The following VWA8 variants were observed in gnomAD, a reference collection of about 807,000 sequenced individuals.
VWA8 encodes the protein von Willebrand factor A domain containing 8, also known as von Willebrand factor A domain-containing protein 8.
In VWA8, 221 loss-of-function variants were observed where a neutral mutation model predicts 241.5. That is an observed-to-expected ratio of 0.91 (90% confidence interval 0.82 to 1.02). The LOEUF (loss-of-function observed/expected upper bound fraction) is 1.02, where lower values mean the gene tolerates loss of function less well. Ranked by LOEUF, VWA8 falls within the 50% of genes least tolerant of loss-of-function variation. The pLI is 0.00. For synonymous variants in VWA8, 852 were observed against 827.1 expected (o/e 1.03, Z -0.52); for missense variants, 2,322 against 2,328.7 (o/e 1.00, Z 0.06).
At chr13:41,748,020 T>C (rs1470799324) in intron 21 of VWA8, among the ~76,000 whole-genome samples, 1 of 152,224 alleles carries the variant, frequency 6.6e-6, no homozygotes, top group Non-Finnish European at 1.5e-5. Flanking sequence ...TTGAGGATTT[T>C]TGCATCAATG....
chr13:41,893,132 A>C (rs150647279), intron 4 of VWA8, among the ~76,000 whole-genome samples: 4 of 152,328 alleles, frequency 2.6e-5, no homozygotes, highest in East Asian at 1.9e-4. Context: ...GGGAAAACAT[A>C]TCTCTATTTT....
intron 17 of VWA8, among the ~76,000 whole-genome samples, chr13:41,791,257 C>G (rs1047892762): frequency 1.3e-5 from 2 of 151,680 alleles, no homozygotes; most frequent in Non-Finnish European, 3.0e-5. Context: ...GATGCATAAA[C>G]AAAATAGCTG....
intron 1 of VWA8, among the ~76,000 whole-genome samples, chr13:41,950,390 A>C (rs1878073138): frequency 6.7e-6 from 1 of 150,242 alleles, no homozygotes; most frequent in Non-Finnish European, 1.5e-5. Context: ...TGTTTTTGAG[A>C]TGGAGTCTCA....
At chr13:41,735,373 T>G (rs1458321416) in intron 21 of VWA8, among the ~76,000 whole-genome samples, 1 of 152,220 alleles carries the variant, frequency 6.6e-6, no homozygotes, top group Non-Finnish European at 1.5e-5. Context: ...TCTGTAACAC[T>G]CGAATTCTGA....
At chr13:41,912,247 TTATA>T in intron 2 of VWA8, 79 bp from the exon 3 acceptor site, 8 of 983,148 alleles carry the variant, frequency 8.1e-6, no homozygotes, top group Middle Eastern at 2.8e-4. Flanking sequence ...GTGGACATAT[TTATA>T]TATATATATA....
chr13:41,639,503 C>T (rs943269508), intron 37 of VWA8, among the ~76,000 whole-genome samples: 6 of 152,228 alleles, frequency 3.9e-5, no homozygotes, highest in African/African-American at 1.4e-4. Context: ...CTTTCTCCAC[C>T]TGCTAACCTG....
intron 29 of VWA8, among the ~76,000 whole-genome samples, chr13:41,695,474 A>G (rs1448819852): frequency 6.6e-6 from 1 of 152,210 alleles, no homozygotes; most frequent in African/African-American, 2.4e-5. Context: ...AATGAAGAAG[A>G]AGGAATTGAT....
chr13:41,798,500 G>A (rs1869805191), intron 17 of VWA8, among the ~76,000 whole-genome samples: 1 of 152,130 alleles, frequency 6.6e-6, no homozygotes, highest in East Asian at 1.9e-4. Flanking sequence ...ATCTACTATT[G>A]CTGATGTAAA....
chr13:41,839,247 GTGA>G (rs1308662817), intron 12 of VWA8, among the ~76,000 whole-genome samples: 1 of 152,160 alleles, frequency 6.6e-6, no homozygotes, highest in African/African-American at 2.4e-5. Context: ...GTAATGACCG[GTGA>G]TGATGAGCTT....
At chr13:41,886,199 T>C (rs1363709092) in intron 7 of VWA8, among the ~76,000 whole-genome samples, 171 bp from the exon 8 acceptor site, 2 of 152,158 alleles carry the variant, frequency 1.3e-5, no homozygotes, top group Non-Finnish European at 2.9e-5. Context: ...CAGAAGCTGA[T>C]TAGATGCAAA....
chr13:41,894,304 G>C (rs987219665), intron 4 of VWA8, among the ~76,000 whole-genome samples: 10 of 152,196 alleles, frequency 6.6e-5, no homozygotes, highest in African/African-American at 2.4e-4. Flanking sequence ...TATGCAGAGA[G>C]ATCAAAAACA....
At chr13:41,935,609 GA>G (rs1451518228) in intron 2 of VWA8, among the ~76,000 whole-genome samples, 2 of 151,888 alleles carry the variant, frequency 1.3e-5, no homozygotes, top group African/African-American at 4.8e-5. Flanking sequence ...AATGTAAAAA[GA>G]AAAATATATA....
intron 5 of VWA8, among the ~76,000 whole-genome samples, chr13:41,887,748 C>T (rs1365578820): frequency 6.6e-6 from 1 of 152,168 alleles, no homozygotes; most frequent in Admixed American, 6.5e-5. Context: ...ACCAGTGGAC[C>T]TTAAATAGAT....
At chr13:41,895,837 T>C (rs1364335223) in intron 4 of VWA8, among the ~76,000 whole-genome samples, 1 of 150,824 alleles carries the variant, frequency 6.6e-6, no homozygotes, top group Admixed American at 6.6e-5. Flanking sequence ...TTTTCTTTTT[T>C]TTTTTTTTTT....
chr13:41,731,661 T>C (rs533502129), intron 22 of VWA8, among the ~76,000 whole-genome samples: 3 of 152,304 alleles, frequency 2.0e-5, no homozygotes, highest in South Asian at 4.1e-4. Context: ...CCAAATCTCA[T>C]CTTGAATTGT....
At chr13:41,718,714 T>C (rs1566426930) in intron 26 of VWA8, among the ~76,000 whole-genome samples, 1 of 151,274 alleles carries the variant, frequency 6.6e-6, no homozygotes, top group African/African-American at 2.4e-5. Flanking sequence ...TATATATATA[T>C]GCAACTTTTT....
chr13:41,761,338 C>A, intron 20 of VWA8, 134 bp from the exon 21 acceptor site: 2 of 742,830 alleles, frequency 2.7e-6, no homozygotes, highest in Middle Eastern at 3.1e-4. Context: ...TCATGAAAAC[C>A]AAACTGGCAA....
chr13:41,605,211 C>G lies in VWA8; in HGVS notation c.4943G>C (p.Arg1648Pro), dbSNP rs377664944. 10 of 1,613,036 alleles carry G rather than the reference C, an allele frequency of 6.2e-6. No homozygotes were observed. Among genetic ancestry groups the G allele is most frequent in the Non-Finnish European group, 7.6e-6 (9 of 1,179,360 alleles). The stretch of plus-strand genomic sequence containing the variant: ...GATTCGGAGGGAGTGCACCTGTCGC[C>G]GAACAGCACCTGAAAACCTTTCATA... ...ATYERFSGAV[R>P]RQVHSLRIIL... Residue 1648 changes from arginine (R) to proline (P), a missense_variant, in exon 40 of 45, where the codon CGG becomes CCG. Coordinates refer to ENST00000379310, the MANE Select transcript of VWA8 (RefSeq NM_015058.2).
In VWA8 at chr13:41,615,084, T is replaced by C; in HGVS notation, c.4612A>G (p.Ile1538Val). Reference sequence around the variant, plus strand: ...TCACCACTGTCTCTGTTGATTGTTATCTAAAAATGAACAATTGAGACATTT... The same window carrying C: ...TCACCACTGTCTCTGTTGATTGTTACCTAAAAATGAACAATTGAGACATTT... ...MIGQDDRNMQ[I>V]TINRDSGEDV... Residue 1538 changes from isoleucine to valine, a missense_variant and splice_region_variant, in exon 38 of 45, where the codon ATA becomes GTA. Physicochemically the swap from Ile to Val is conservative, Grantham distance 29. Transcript: ENST00000379310. 6.2e-7 allele frequency: 1 copy of C among 1,613,844 alleles called. No individual in the cohort carries two copies. The highest frequency in any genetic ancestry group is 1.1e-5 in the South Asian group (1 of 91,060).
Sources: allele counts gnomAD v4.1 joint callset (sites outside exome capture counted in the v4.1 genomes callset), GRCh38; gene constraint gnomAD v4.1.1; transcripts MANE v1.5; gene names NCBI Gene and HGNC (gene_info 2026-07-23, HGNC 2026-07-21).